The following ADAMTSL3 variants were observed in gnomAD, a reference collection of about 807,000 sequenced individuals.
ADAMTSL3 encodes ADAMTS-like protein 3.
In ADAMTSL3, 128 loss-of-function variants were observed where a neutral mutation model predicts 201.7. That is an observed-to-expected ratio of 0.63 (90% CI 0.55 to 0.73). The LOEUF (loss-of-function observed/expected upper bound fraction) is 0.73. ADAMTSL3 is among the 30% of genes least tolerant of loss of function. The pLI, the probability that ADAMTSL3 is intolerant of heterozygous loss-of-function variation, is 0.00. For synonymous variants in ADAMTSL3, 738 were observed against 748.4 expected, an observed-to-expected ratio of 0.99 and a Z score of 0.23; for missense variants, 1,990 against 2,119.6, an observed-to-expected ratio of 0.94 and a Z score of 1.20.
chr15:83,673,814 A>C (rs1236474072), intron 2 of ADAMTSL3, among the ~76,000 whole-genome samples: 2 of 152,230 alleles, frequency 1.3e-5, no homozygotes, highest in Non-Finnish European at 2.9e-5. Context: ...CAAGAAAGAA[A>C]GCTATCTTAA....
chr15:83,771,214 T>G (rs1318142516), intron 3 of ADAMTSL3, among the ~76,000 whole-genome samples: 1 of 151,302 alleles, frequency 6.6e-6, no homozygotes, highest in African/African-American at 2.4e-5. Flanking sequence ...TTTATTGCTG[T>G]GCCAATTCTC....
chr15:83,911,034 C>G (rs1420347549), intron 15 of ADAMTSL3, among the ~76,000 whole-genome samples: 1 of 152,050 alleles, frequency 6.6e-6, no homozygotes, highest in African/African-American at 2.4e-5. Context: ...CCCATTAAAA[C>G]AAAATCCCAA....
chr15:83,782,952 T>C (rs2063197688), intron 4 of ADAMTSL3, among the ~76,000 whole-genome samples: 1 of 147,024 alleles, frequency 6.8e-6, no homozygotes, highest in African/African-American at 2.5e-5. Context: ...TACACACATA[T>C]ATATTATATA....
intron 23 of ADAMTSL3, among the ~76,000 whole-genome samples, chr15:83,995,095 C>G (rs986972151): frequency 6.6e-6 from 1 of 152,128 alleles, no homozygotes; most frequent in Non-Finnish European, 1.5e-5. Flanking sequence ...GGCCTTCATG[C>G]CCCTGCCTCC....
intron 3 of ADAMTSL3, among the ~76,000 whole-genome samples, chr15:83,741,552 T>C (rs1339767049): frequency 6.6e-6 from 1 of 152,150 alleles, no homozygotes; most frequent in Non-Finnish European, 1.5e-5. Context: ...GAAAGACATG[T>C]GAAATTATAA....
At chr15:83,929,548 A>C (rs1001502588) in intron 17 of ADAMTSL3, among the ~76,000 whole-genome samples, 2 of 152,156 alleles carry the variant, frequency 1.3e-5, no homozygotes, top group African/African-American at 4.8e-5. Flanking sequence ...TTTCCGAATA[A>C]GGTCACAGTC....
At chr15:83,744,695 A>G (rs902374283) in intron 3 of ADAMTSL3, among the ~76,000 whole-genome samples, 1 of 152,130 alleles carries the variant, frequency 6.6e-6, no homozygotes, top group African/African-American at 2.4e-5. Flanking sequence ...TCTTGAATTT[A>G]TTTTACCTAT....
chr15:83,709,105 T>G (rs922707355), intron 3 of ADAMTSL3, among the ~76,000 whole-genome samples: 13 of 152,206 alleles, frequency 8.5e-5, no homozygotes, highest in Non-Finnish European at 8.8e-5. Context: ...CCCCAGAGAT[T>G]AAGATTAAGA....
intron 16 of ADAMTSL3, among the ~76,000 whole-genome samples, chr15:83,916,549 A>G (rs1480786701): frequency 6.6e-6 from 1 of 152,202 alleles, no homozygotes; most frequent in Admixed American, 6.5e-5. Flanking sequence ...CTTGGGTTAA[A>G]AAAGTTATTT....
At chr15:83,992,367 G>T (rs2067596850) in intron 23 of ADAMTSL3, among the ~76,000 whole-genome samples, 1 of 152,132 alleles carries the variant, frequency 6.6e-6, no homozygotes, top group Non-Finnish European at 1.5e-5. Context: ...GCAGTGTTTG[G>T]CCTATGCAGA....
chr15:83,975,254 G>A (rs1339641347), intron 20 of ADAMTSL3, among the ~76,000 whole-genome samples: 4 of 151,522 alleles, frequency 2.6e-5, no homozygotes, highest in South Asian at 2.1e-4. Context: ...CACCCACCTT[G>A]GCCTCCCAAA....
At chr15:83,888,606 G>A (rs1014915813) in intron 10 of ADAMTSL3, among the ~76,000 whole-genome samples, 8 of 152,092 alleles carry the variant, frequency 5.3e-5, no homozygotes, top group African/African-American at 1.9e-4. Context: ...AGGTACCGGG[G>A]GTACTTGAAT....
chr15:83,914,389 C>T (rs2065990660), intron 16 of ADAMTSL3, among the ~76,000 whole-genome samples: 1 of 152,242 alleles, frequency 6.6e-6, no homozygotes, highest in Admixed American at 6.5e-5. Flanking sequence ...CAATCCTTAT[C>T]ATTCAGTCTC....
rs79428369 is a variant in ADAMTSL3, at chr15:83,839,079, G to C, written c.727+864G>C. On this transcript the variant is annotated intron_variant, in intron 7 of 29. Transcript: ENST00000286744. ...CAAAAATTATTCACGTATGTTTTCT[G>C]CCAGTACTTTTATGGTTTTGTTTTT... Among the ~76,000 whole-genome samples the C allele has an allele frequency of 5.0e-3, 754 of 152,264 alleles. 29 individuals are homozygous for C. In the East Asian group the frequency reaches 0.11, roughly 23 times the overall value.
In ADAMTSL3 at chr15:83,897,743, A is replaced by G; in HGVS notation, c.1468-115A>G. On this transcript the variant is annotated intron_variant, in intron 13 of 29. Coordinates refer to ENST00000286744, the MANE Select transcript of ADAMTSL3 (RefSeq NM_207517.3). ...CTTCCTTACATAATATTTGTCTAAA[A>G]GTCTTTTGTGTTTAACATTTATGTA... The G allele has an allele frequency of 2.5e-6, 3 of 1,209,610 alleles. No homozygotes were observed. In the South Asian group the frequency reaches 6.3e-5, roughly 26 times the overall value. The allele number at this position is 1,209,610 out of a possible 1,614,324, so 74.9% of individuals were successfully genotyped here. A position where few individuals can be genotyped will look rare whatever the true frequency, so the allele number is the denominator to read the frequency against.
intron 28 of ADAMTSL3, among the ~76,000 whole-genome samples, chr15:84,034,478 G>A (rs1330672811): frequency 6.6e-6 from 1 of 152,186 alleles, no homozygotes. Flanking sequence ...GAGGGAATGG[G>A]AATTGTCAGG....
intron 8 of ADAMTSL3, among the ~76,000 whole-genome samples, chr15:83,865,422 C>T (rs553109467): frequency 6.6e-6 from 1 of 152,206 alleles, no homozygotes; most frequent in South Asian, 2.1e-4. Context: ...GAGATATAGA[C>T]CAATGGGACA....
At chr15:83,662,884 A>G (rs983048383) in intron 2 of ADAMTSL3, among the ~76,000 whole-genome samples, 1 of 152,340 alleles carries the variant, frequency 6.6e-6, no homozygotes, top group South Asian at 2.1e-4. Flanking sequence ...TCTCTCTGGT[A>G]GTTGTCACTG....
intron 4 of ADAMTSL3, among the ~76,000 whole-genome samples, chr15:83,776,070 A>C (rs2141763569): frequency 6.6e-6 from 1 of 152,350 alleles, no homozygotes; most frequent in East Asian, 1.9e-4. Flanking sequence ...CTGTTCTCTC[A>C]GCCCTTAAAT....
Sources: gnomAD v4.1 joint callset for allele counts (sites outside exome capture counted in the v4.1 genomes callset) on GRCh38, gnomAD v4.1.1 for gene constraint, MANE v1.5 for transcripts, NCBI Gene and HGNC (gene_info 2026-07-23, HGNC 2026-07-21) for gene names.